The following TRDN variants were observed in gnomAD, a reference collection of about 807,000 sequenced individuals.
TRDN encodes triadin in skeletal muscle.
In TRDN, 161 loss-of-function variants were observed where a neutral mutation model predicts 149.7. That is an observed-to-expected ratio of 1.08 (90% confidence interval 0.95 to 1.23). TRDN has a LOEUF of 1.23. Ranked by LOEUF, TRDN falls within the 50% of genes most tolerant of loss-of-function variation. The probability of loss-of-function intolerance (pLI) is 0.00; values close to 1 mark genes in which losing one functional copy is unlikely to be tolerated. For missense variants in TRDN, 896 were observed against 823.5 expected, an observed-to-expected ratio of 1.09 and a Z score of -1.08; for synonymous variants, 294 against 250.5, an observed-to-expected ratio of 1.17 and a Z score of -1.64.
At chr6:123,590,530 C>T (rs767132611) in intron 1 of TRDN, among the ~76,000 whole-genome samples, 5 of 152,060 alleles carry the variant, frequency 3.3e-5, no homozygotes, top group Admixed American at 1.3e-4. Context: ...TTTGGGAGGC[C>T]GAGGCAGGCA....
rs555180710 is a variant in TRDN, at chr6:123,626,911, A to ATTATT, written c.22+9838_22+9842dup. ...TATAAAATGTTTTTTTTAATTTTTT[A>ATTATT]TTATTTTATTTTATTTTATTTTATT... On this transcript the variant is annotated intron_variant, in intron 1 of 40. Transcript: ENST00000334268. Among the ~76,000 whole-genome samples the ATTATT allele has an allele frequency of 4.0e-3, 605 of 150,888 alleles. 2 individuals are homozygous for ATTATT. Among genetic ancestry groups the ATTATT allele is most frequent in the South Asian group, 8.8e-3 (42 of 4,790 alleles).
intron 23 of TRDN, among the ~76,000 whole-genome samples, chr6:123,317,443 TA>T (rs1779067951): frequency 6.6e-6 from 1 of 151,928 alleles, no homozygotes; most frequent in Non-Finnish European, 1.5e-5. Context: ...GTTATAATTT[TA>T]AAAACTAATT....
At chr6:123,264,803 A>T (rs1776884206) in intron 33 of TRDN, among the ~76,000 whole-genome samples, 1 of 152,042 alleles carries the variant, frequency 6.6e-6, no homozygotes, top group Non-Finnish European at 1.5e-5. Context: ...TTACCAGCAA[A>T]AGTATTACAA....
At chr6:123,228,667 A>G (rs1775478894) in intron 38 of TRDN, among the ~76,000 whole-genome samples, 1 of 151,834 alleles carries the variant, frequency 6.6e-6, no homozygotes, top group African/African-American at 2.4e-5. Flanking sequence ...TCAAGATGAG[A>G]TTTGGGTGGG....
rs78442430 is a variant in TRDN at position 123,584,144 on chromosome 6, G to A, written c.23-13012C>T. Reference sequence around the variant, plus strand: ...TCAGACAGATACAGTCATGGAGGTCGGGTGTGGTATCAGGAATAATGTGGG... The same window carrying A: ...TCAGACAGATACAGTCATGGAGGTCAGGTGTGGTATCAGGAATAATGTGGG... On this transcript the variant is annotated intron_variant, in intron 1 of 40. Transcript: ENST00000334268. Among the ~76,000 whole-genome samples, 98 of 152,244 alleles carry A rather than the reference G, an allele frequency of 6.4e-4. No homozygotes were observed. The East Asian group carries it at 0.017, about 27-fold the overall frequency.
intron 16 of TRDN, 24 bp from the exon 17 acceptor site, chr6:123,377,922 T>C: frequency 7.1e-7 from 1 of 1,400,862 alleles, no homozygotes; most frequent in African/African-American, 1.5e-5. Context: ...TTATTGTTAT[T>C]ATTATTATCG....
At chr6:123,261,829 A>G (rs1466673442) in intron 33 of TRDN, among the ~76,000 whole-genome samples, 1 of 151,910 alleles carries the variant, frequency 6.6e-6, no homozygotes. Flanking sequence ...TAGTGTTCAT[A>G]TTAGTAGCAG....
At chr6:123,554,059 G>A (rs769555819) in intron 2 of TRDN, among the ~76,000 whole-genome samples, 1 of 152,100 alleles carries the variant, frequency 6.6e-6, no homozygotes, top group Non-Finnish European at 1.5e-5. Flanking sequence ...CCCTCATAGC[G>A]AACCTTGGTA....
intron 21 of TRDN, among the ~76,000 whole-genome samples, chr6:123,340,315 A>C (rs1413666761): frequency 6.6e-6 from 1 of 152,090 alleles, no homozygotes; most frequent in Non-Finnish European, 1.5e-5. Context: ...AAACAGCAGT[A>C]ATTATTAATA....
At chr6:123,463,682 T>C (rs1252101303) in intron 10 of TRDN, among the ~76,000 whole-genome samples, 1 of 152,112 alleles carries the variant, frequency 6.6e-6, no homozygotes, top group Non-Finnish European at 1.5e-5. Flanking sequence ...GCGAGTGAGA[T>C]AGTTTTGTGT....
rs1774949230 is a variant in TRDN at position 123,442,325 on chromosome 6, C to A, written c.932-3322G>T. On this transcript the variant is annotated intron_variant, in intron 10 of 40. Coordinates refer to ENST00000334268, the MANE Select transcript of TRDN (RefSeq NM_006073.4). ...TTGGGAGGCCGAGGCGGGCGGATCA[C>A]GAGGTCAGGGGATCGAGACCATCCT... The A allele has an allele frequency of 2.7e-5, 4 of 145,662 alleles. No homozygotes were observed. In the South Asian group the frequency reaches 8.4e-4, roughly 31 times the overall value. 9.0% of individuals were successfully genotyped at this position (145,662 alleles called of 1,614,324 possible).
At chr6:123,630,950 T>G (rs1785965205) in intron 1 of TRDN, among the ~76,000 whole-genome samples, 1 of 151,978 alleles carries the variant, frequency 6.6e-6, no homozygotes, top group African/African-American at 2.4e-5. Flanking sequence ...CAAGAGTGGT[T>G]GAGTAGTGGA....
chr6:123,351,885 T>A, intron 21 of TRDN: 1 of 984,980 alleles, frequency 1.0e-6, no homozygotes, highest in Non-Finnish European at 1.2e-6. Context: ...AGAAGCCACA[T>A]CACTTTAAAT....
intron 1 of TRDN, among the ~76,000 whole-genome samples, chr6:123,600,652 G>A (rs1203213005): frequency 1.3e-5 from 2 of 152,012 alleles, no homozygotes; most frequent in Non-Finnish European, 2.9e-5. Context: ...AGAGACACAC[G>A]GGGATATGAA....
chr6:123,600,679 G>A (rs1398095494), intron 1 of TRDN, among the ~76,000 whole-genome samples: 1 of 152,034 alleles, frequency 6.6e-6, no homozygotes, highest in Non-Finnish European at 1.5e-5. Context: ...TCAGTTTTGT[G>A]TCCAAAAATA....
intron 24 of TRDN, among the ~76,000 whole-genome samples, chr6:123,301,752 C>CATATATATATATAT (rs776895792): frequency 1.3e-5 from 1 of 77,066 alleles, no homozygotes; most frequent in African/African-American, 4.4e-5. Context: ...TATATATATA[C>CATATATATATATAT]ATATATATAT....
intron 5 of TRDN, among the ~76,000 whole-genome samples, chr6:123,518,670 G>C (rs1779527920): frequency 6.6e-6 from 1 of 152,144 alleles, no homozygotes; most frequent in Admixed American, 6.6e-5. Flanking sequence ...CCTCATTCCT[G>C]TTACCCTAGG....
chr6:123,401,663 G>A (rs1216629432), intron 12 of TRDN, among the ~76,000 whole-genome samples: 1 of 152,200 alleles, frequency 6.6e-6, no homozygotes, highest in Non-Finnish European at 1.5e-5. Context: ...ATTTAAAGGA[G>A]GCCGGGTGTA....
chr6:123,434,625 G>T (rs538922735), intron 12 of TRDN, among the ~76,000 whole-genome samples: 4 of 152,276 alleles, frequency 2.6e-5, no homozygotes, highest in African/African-American at 9.6e-5. Context: ...CAACTACAGT[G>T]TTTAGTGTTT....
Sources: allele counts gnomAD v4.1 joint callset (sites outside exome capture counted in the v4.1 genomes callset), GRCh38; gene constraint gnomAD v4.1.1; transcripts MANE v1.5; gene names NCBI Gene and HGNC (gene_info 2026-07-23, HGNC 2026-07-21).